The following VIRMA variants were observed in gnomAD, a reference collection of about 807,000 sequenced individuals.
VIRMA encodes the protein vir like m6A methyltransferase associated.
Under a neutral mutation model 182.4 loss-of-function variants are expected in VIRMA, and 65 were observed. The observed-to-expected ratio is 0.36, with a 90% confidence interval of 0.29 to 0.44. The LOEUF is 0.44. VIRMA is among the 20% of genes least tolerant of loss of function. The probability of loss-of-function intolerance (pLI) is 1.00; values close to 1 mark genes in which losing one functional copy is unlikely to be tolerated. For synonymous variants in VIRMA, 709 were observed against 743.1 expected (o/e 0.95, Z 0.75); for missense variants, 1,752 against 2,158.1 (o/e 0.81, Z 3.73).
intron 1 of VIRMA, among the ~76,000 whole-genome samples, chr8:94,548,157 C>G (rs1338342756): frequency 6.6e-6 from 1 of 150,702 alleles, no homozygotes; most frequent in South Asian, 2.1e-4. Context: ...TTACTTTTTA[C>G]CACATACTCT....
rs1457721513 is a variant in VIRMA at position 94,543,854 on chromosome 8, C to T, written c.152G>A (p.Ser51Asn). The T allele has an allele frequency of 6.2e-7, 1 of 1,609,262 alleles. No individual in the cohort carries two copies. Among genetic ancestry groups the T allele is most frequent in the African/African-American group, 1.3e-5 (1 of 74,706 alleles). Residue 51 changes from serine to asparagine, a missense_variant, in exon 2 of 24, where the codon AGC (serine) becomes AAC (asparagine). Transcript: ENST00000297591. The stretch of plus-strand genomic sequence containing the variant: ...ATATGCTCTATTGTCTGGCAGACTG[C>T]TATGGGCTCTTACTCCTGGGGGTAT... ...RVIPPGVRAH[S>N]SLPDNRAYGE...
intron 7 of VIRMA, among the ~76,000 whole-genome samples, chr8:94,528,635 T>C (rs1815053467): frequency 6.6e-6 from 1 of 152,234 alleles, no homozygotes. Flanking sequence ...CCTTGAATTT[T>C]TAAAAATAAT....
At chr8:94,515,065 A>G (rs1395415943) in intron 10 of VIRMA, 114 bp from the exon 11 acceptor site, 2 of 535,608 alleles carry the variant, frequency 3.7e-6, no homozygotes, top group Non-Finnish European at 6.5e-6. Flanking sequence ...TCAATCATCT[A>G]AACTTCATGC....
intron 16 of VIRMA, among the ~76,000 whole-genome samples, chr8:94,504,866 A>G (rs1814102529): frequency 6.6e-6 from 1 of 152,206 alleles, no homozygotes; most frequent in Non-Finnish European, 1.5e-5. Flanking sequence ...AAAGGGAAAA[A>G]GGGAATAGGT....
chr8:94,532,815 G>A (rs1423883252), intron 5 of VIRMA, among the ~76,000 whole-genome samples: 1 of 151,954 alleles, frequency 6.6e-6, no homozygotes, highest in African/African-American at 2.4e-5. Context: ...AAAATGAGTT[G>A]GGGTGGAGGG....
At chr8:94,533,908 A>C (rs927269940) in intron 5 of VIRMA, 4 of 151,682 alleles carry the variant, frequency 2.6e-5, no homozygotes, top group African/African-American at 9.7e-5. Flanking sequence ...TTTTTTTTAA[A>C]TAGACATAGG....
Position 94,511,542 on chromosome 8 carries a change from A to G in VIRMA, c.3033T>C (p.Thr1011=), listed in dbSNP as rs1223311513. 1.1e-5 allele frequency: 18 copies of G among 1,614,036 alleles called. No individual in the cohort carries two copies. The Admixed American group carries it at 3.0e-4, about 27-fold the overall frequency. The change falls in exon 13 of 24, where the codon ACT becomes ACC. Residue 1011 remains threonine (T), a synonymous_variant. Transcript: ENST00000297591. The part of the protein sequence containing the change: ...TTISMARCTL[T]LLKTMLTELL... ...GTTCCGTTAACATAGTTTTAAGAAG[A>G]GTGAGTGTGCAGCGAGCCATTGAAA...
chr8:94,509,992 T>G, intron 14 of VIRMA, 52 bp from the exon 15 acceptor site: 1 of 1,481,676 alleles, frequency 6.7e-7, no homozygotes, highest in Non-Finnish European at 9.1e-7. Flanking sequence ...CTTAAGGCAT[T>G]GTTTAACTAG....
At chr8:94,506,168 T>C (rs557218513) in intron 16 of VIRMA, among the ~76,000 whole-genome samples, 2 of 152,292 alleles carry the variant, frequency 1.3e-5, no homozygotes, top group East Asian at 3.9e-4. Flanking sequence ...AAAATCCCTC[T>C]AGCATCCATC....
chr8:94,529,932 G>A (rs891944588), intron 6 of VIRMA, among the ~76,000 whole-genome samples: 101 of 151,980 alleles, frequency 6.6e-4, no homozygotes, highest in Middle Eastern at 6.8e-3. Flanking sequence ...GAGCCACCAC[G>A]CCCGGCCTAT....
intron 21 of VIRMA, among the ~76,000 whole-genome samples, chr8:94,492,408 C>T (rs1370719724): frequency 1.3e-5 from 2 of 151,690 alleles, no homozygotes; most frequent in South Asian, 2.1e-4. Flanking sequence ...CTCAGCCTCC[C>T]GAGTAGCTGG....
In VIRMA at chr8:94,526,718, C is replaced by A; in HGVS notation, c.1526G>T (p.Ser509Ile). Residue 509 changes from serine to isoleucine, a missense_variant, in exon 8 of 24, where the codon AGT becomes ATT. Physicochemically the swap from Ser to Ile is moderately radical, Grantham distance 142. This residue lies in a region of VIRMA where 401 missense variants were observed against 455.1 expected (regional missense o/e 0.88). Coordinates refer to ENST00000297591, the MANE Select transcript of VIRMA (RefSeq NM_015496.5). The part of the protein sequence containing the change: ...LKLNAFKALD[S>I]VISMTEGMEA... The stretch of plus-strand genomic sequence containing the variant: ...CATTCCTTCTGTCATACTAATGACA[C>A]TGTCCAAAGCTTTAAAAGCATTTAA... 6.2e-7 allele frequency: 1 copy of A among 1,613,822 alleles called. No individual in the cohort carries two copies. The highest frequency in any genetic ancestry group is 8.5e-7 in the Non-Finnish European group (1 of 1,179,996).
At position 94,499,428 on chromosome 8, in the gene VIRMA, C is replaced by T; in HGVS notation, c.4176G>A (p.Glu1392=). The change falls in exon 17 of 24, where the codon GAG becomes GAA. Residue 1392 remains glutamate (E), a synonymous_variant. Transcript: ENST00000297591. ...VVSTFSKDTG[E]LASSFLEFMR... The stretch of plus-strand genomic sequence containing the variant: ...TAAATTCTAAAAATGAAGATGCAAG[C>T]TCTCCTGTGTCCTTACTAAATGTGC... 6.2e-7 allele frequency: 1 copy of T among 1,607,944 alleles called. No homozygotes were observed.
rs575439778 is a variant in VIRMA at position 94,508,461 on chromosome 8, G to A, written c.3879+1227C>T. Among the ~76,000 whole-genome samples the A allele has an allele frequency of 3.9e-5, 6 of 152,122 alleles. No individual in the cohort carries two copies. In the East Asian group the frequency reaches 9.6e-4, roughly 24 times the overall value. On this transcript the variant is annotated intron_variant, in intron 15 of 23. Transcript: ENST00000297591. ...AATTACTTCAATATACTGCAAACTCGTATTCAACTTGGCTTAAACTATACA... is the reference window on the plus strand; with the variant it reads ...AATTACTTCAATATACTGCAAACTCATATTCAACTTGGCTTAAACTATACA...
intron 17 of VIRMA, chr8:94,498,452 C>T (rs1199310237): frequency 1.3e-5 from 2 of 152,082 alleles, no homozygotes; most frequent in Non-Finnish European, 2.9e-5. Context: ...TCTGAGTTGC[C>T]CTAGCAAGGT....
intron 2 of VIRMA, among the ~76,000 whole-genome samples, chr8:94,538,843 A>G (rs1157525502): frequency 6.6e-6 from 1 of 151,752 alleles, no homozygotes; most frequent in Non-Finnish European, 1.5e-5. Context: ...CAAACTCCTG[A>G]CCTCAGGAGA....
intron 8 of VIRMA, among the ~76,000 whole-genome samples, chr8:94,521,791 AC>A (rs1394892894): frequency 6.6e-6 from 1 of 152,180 alleles, no homozygotes; most frequent in African/African-American, 2.4e-5. Flanking sequence ...CCCACCAGTA[AC>A]TGCTTACTAC....
chr8:94,491,428 C>T (rs922829691), intron 22 of VIRMA, 150 bp downstream of exon 22: 2 of 683,340 alleles, frequency 2.9e-6, no homozygotes, highest in African/African-American at 3.6e-5. Context: ...CAATAGAGTA[C>T]TCTGCAAACA....
chr8:94,543,469 T>C (rs564496155), intron 2 of VIRMA, among the ~76,000 whole-genome samples: 2 of 148,802 alleles, frequency 1.3e-5, no homozygotes, highest in Non-Finnish European at 3.0e-5. Flanking sequence ...CTTATAAATA[T>C]TTCAACTAAT....
Sources: allele counts gnomAD v4.1 joint callset (sites outside exome capture counted in the v4.1 genomes callset), GRCh38; gene constraint gnomAD v4.1.1; regional missense constraint gnomAD v4.1.1; transcripts MANE v1.5; gene names NCBI Gene and HGNC (gene_info 2026-07-23, HGNC 2026-07-21).